IP6K1: variants seen among roughly 807,000 people sequenced by gnomAD.
IP6K1 encodes inositol hexakisphosphate kinase 1.
A neutral mutation model predicts 38.3 loss-of-function variants in IP6K1; 13 were observed. The observed-to-expected ratio is 0.34, with a 90% confidence interval of 0.22 to 0.54. The LOEUF is 0.54. Ranked by LOEUF, IP6K1 falls within the 20% of genes least tolerant of loss-of-function variation. The probability of loss-of-function intolerance (pLI) is 0.92; values close to 1 mark genes in which losing one functional copy is unlikely to be tolerated. For missense variants in IP6K1, 397 were observed against 599.8 expected (o/e 0.66, Z 3.53); for synonymous variants, 212 against 229.9 (o/e 0.92, Z 0.70).
chr3:49,773,673 T>C (rs562356753), intron 1 of IP6K1, among the ~76,000 whole-genome samples: 9 of 152,262 alleles, frequency 5.9e-5, no homozygotes, highest in Non-Finnish European at 1.3e-4. Flanking sequence ...TCTTCCCAAA[T>C]AGAGAAGAAG....
At chr3:49,779,527 A>G (rs2081047115) in intron 1 of IP6K1, among the ~76,000 whole-genome samples, 1 of 152,192 alleles carries the variant, frequency 6.6e-6, no homozygotes. Context: ...GTTTAACCAC[A>G]TAAAGACTGT....
intron 1 of IP6K1, among the ~76,000 whole-genome samples, chr3:49,762,787 T>C (rs1376877526): frequency 6.6e-5 from 10 of 152,080 alleles, no homozygotes; most frequent in Admixed American, 6.6e-4. Flanking sequence ...TGCTTTTTTT[T>C]TTTCAGACAT....
chr3:49,756,585 A>G (rs535568339), intron 1 of IP6K1, among the ~76,000 whole-genome samples: 1 of 152,296 alleles, frequency 6.6e-6, no homozygotes, highest in South Asian at 2.1e-4. Context: ...TGGGAGGCCA[A>G]GGCGGGTGGA....
intron 1 of IP6K1, among the ~76,000 whole-genome samples, chr3:49,782,156 T>C (rs1325577694): frequency 1.4e-5 from 2 of 144,010 alleles, no homozygotes; most frequent in East Asian, 3.9e-4. Context: ...TAAAGAACAG[T>C]GGATGGAAAG....
intron 1 of IP6K1, among the ~76,000 whole-genome samples, chr3:49,774,071 T>C (rs958988052): frequency 1.3e-5 from 2 of 151,742 alleles, no homozygotes; most frequent in Admixed American, 6.6e-5. Context: ...TTTGTCCGAA[T>C]TGCAACTATA....
intron 2 of IP6K1, among the ~76,000 whole-genome samples, 187 bp from the exon 3 acceptor site, chr3:49,738,609 A>G (rs550270063): frequency 1.0e-3 from 153 of 152,178 alleles, no homozygotes; most frequent in Non-Finnish European, 1.9e-3. Flanking sequence ...TCCATCCCCA[A>G]GCTAAATCTG....
At chr3:49,785,995 A>C (rs1352275224) in intron 1 of IP6K1, 1 of 152,276 alleles carries the variant, frequency 6.6e-6, no homozygotes, top group African/African-American at 2.4e-5. Context: ...GAAAGAGGTA[A>C]GTCTATTTCT....
Position 49,727,827 on chromosome 3 carries a change from A to C in IP6K1, c.793-172T>G, listed in dbSNP as rs2080522752. 6.6e-6 allele frequency among the ~76,000 whole-genome samples: 1 copy of C among 152,220 alleles called. No individual in the cohort carries two copies. Among genetic ancestry groups the C allele is most frequent in the South Asian group, 2.1e-4 (1 of 4,834 alleles). ...CCCTGGGTTTTCCCATTGCAGAACC[A>C]AGAGAAAGCAATACCAGGCCTATGG... On this transcript the variant is annotated intron_variant, in intron 5 of 5. Coordinates refer to ENST00000321599, the MANE Select transcript of IP6K1 (RefSeq NM_153273.4). This position sits in a 1 kb window ranked among gnomAD's most constrained non-coding sequence, Gnocchi z 5.9.
chr3:49,728,383 T>A (rs183029520), intron 4 of IP6K1, 105 bp from the exon 5 acceptor site: 5 of 1,027,946 alleles, frequency 4.9e-6, no homozygotes, highest in Non-Finnish European at 7.2e-6. Context: ...TAATGCAGTA[T>A]GTACTTGTCT....
intron 1 of IP6K1, chr3:49,758,667 T>C (rs1461492539): frequency 6.6e-6 from 1 of 152,166 alleles, no homozygotes; most frequent in Admixed American, 6.5e-5. Flanking sequence ...TTTTGGAATA[T>C]AAGGAGTTTC....
intron 3 of IP6K1, among the ~76,000 whole-genome samples, chr3:49,736,462 C>T (rs1280187378): frequency 6.6e-6 from 1 of 152,082 alleles, no homozygotes; most frequent in Non-Finnish European, 1.5e-5. Context: ...ACATAAATGG[C>T]ATTGTACATA....
intron 1 of IP6K1, among the ~76,000 whole-genome samples, chr3:49,753,839 T>C (rs2080799403): frequency 6.6e-6 from 1 of 151,868 alleles, no homozygotes; most frequent in African/African-American, 2.4e-5. Context: ...AGTCAGCAAA[T>C]AAAAAGAACA....
intron 2 of IP6K1, among the ~76,000 whole-genome samples, chr3:49,747,056 C>T (rs2080726579): frequency 6.6e-6 from 1 of 151,882 alleles, no homozygotes; most frequent in Non-Finnish European, 1.5e-5. Flanking sequence ...TACATTTTAC[C>T]AAAATTTTTT....
chr3:49,732,248 C>A (rs771781215), intron 4 of IP6K1, among the ~76,000 whole-genome samples: 26 of 152,218 alleles, frequency 1.7e-4, no homozygotes, highest in Admixed American at 1.2e-3. Context: ...CATTTTAAAT[C>A]TATTTTATGG....
At chr3:49,742,443 G>C (rs1472764103) in intron 2 of IP6K1, among the ~76,000 whole-genome samples, 2 of 152,084 alleles carry the variant, frequency 1.3e-5, no homozygotes, top group African/African-American at 4.8e-5. Flanking sequence ...CAACTACTCG[G>C]GAGGCTGAGG....
At position 49,761,545 on chromosome 3, in the gene IP6K1, C is replaced by T. The variant is rs376732770; in HGVS notation, c.-128-13377G>A. ...AGGAGAATGGCGTGAACCCGGGAGG[C>T]GGAGCTTGCAGTGAGCCAAGATCGT... On this transcript the variant is annotated intron_variant, in intron 1 of 5. Coordinates refer to ENST00000321599, the MANE Select transcript of IP6K1 (RefSeq NM_153273.4). 1.3e-4 allele frequency among the ~76,000 whole-genome samples: 19 copies of T among 140,942 alleles called. No individual in the cohort carries two copies. The East Asian group carries it at 2.6e-3, about 20-fold the overall frequency. 92.5% of individuals were successfully genotyped at this position (140,942 alleles called of 152,430 possible). A position where few individuals can be genotyped will look rare whatever the true frequency, so the allele number is the denominator to read the frequency against.
At chr3:49,773,332 C>T (rs776220143) in intron 1 of IP6K1, among the ~76,000 whole-genome samples, 40 of 152,262 alleles carry the variant, frequency 2.6e-4, no homozygotes, top group Middle Eastern at 3.4e-3. Context: ...ACATACTGGC[C>T]GGGCGCGGTG....
At chr3:49,735,773 C>T (rs767497943) in intron 3 of IP6K1, among the ~76,000 whole-genome samples, 2 of 152,134 alleles carry the variant, frequency 1.3e-5, no homozygotes, top group Non-Finnish European at 2.9e-5. Context: ...ACTGGAATGT[C>T]CTAGGCCTTT....
intron 1 of IP6K1, among the ~76,000 whole-genome samples, chr3:49,774,338 G>A (rs1032523562): frequency 6.7e-6 from 1 of 149,452 alleles, no homozygotes; most frequent in African/African-American, 2.5e-5. Flanking sequence ...AACCCAGGAG[G>A]TGGAGCTTGC....
Sources: gnomAD v4.1 joint callset for allele counts (sites outside exome capture counted in the v4.1 genomes callset) on GRCh38, gnomAD v4.1.1 for gene constraint, Gnocchi (gnomAD v3.1) non-coding constraint, MANE v1.5 for transcripts, NCBI Gene and HGNC (gene_info 2026-07-23, HGNC 2026-07-21) for gene names.